MPZL1: variants seen among roughly 807,000 people sequenced by gnomAD.
MPZL1 encodes the protein myelin protein zero-like protein 1.
Under a neutral mutation model 29.3 loss-of-function variants are expected in MPZL1, and 16 were observed. The ratio of observed to expected loss-of-function variants is 0.55; its 90% confidence interval spans 0.37 to 0.83. The LOEUF is 0.83. Ranked by LOEUF, MPZL1 falls within the 40% of genes least tolerant of loss-of-function variation. The pLI, the probability that MPZL1 is intolerant of heterozygous loss-of-function variation, is 0.00. For missense variants in MPZL1, 279 were observed against 332.9 expected (o/e 0.84, Z 1.26); for synonymous variants, 143 against 132.0 (o/e 1.08, Z -0.57).
chr1:167,738,937 A>G (rs915519057), intron 1 of MPZL1, among the ~76,000 whole-genome samples: 1 of 151,870 alleles, frequency 6.6e-6, no homozygotes, highest in Non-Finnish European at 1.5e-5. Flanking sequence ...ACCAATACAT[A>G]TATTTTGGTT....
At chr1:167,757,136 G>T (rs943098822) in intron 1 of MPZL1, among the ~76,000 whole-genome samples, 1 of 152,150 alleles carries the variant, frequency 6.6e-6, no homozygotes, top group Admixed American at 6.5e-5. Context: ...CCTGATTCGC[G>T]GGAGGAAAGA....
At chr1:167,785,221 G>T (rs1661568518) in intron 5 of MPZL1, among the ~76,000 whole-genome samples, 1 of 152,234 alleles carries the variant, frequency 6.6e-6, no homozygotes, top group Admixed American at 6.5e-5. Context: ...TTGGCTAGAA[G>T]GTTGACTGGT....
chr1:167,779,142 A>G (rs1319009340), intron 5 of MPZL1, among the ~76,000 whole-genome samples: 1 of 151,742 alleles, frequency 6.6e-6, no homozygotes, highest in Non-Finnish European at 1.5e-5. Flanking sequence ...AAAAGAAAAA[A>G]AAGAAAGTGA....
At chr1:167,778,636 A>G (rs1204857869) in intron 5 of MPZL1, among the ~76,000 whole-genome samples, 2 of 152,064 alleles carry the variant, frequency 1.3e-5, no homozygotes, top group African/African-American at 4.8e-5. Flanking sequence ...TCAGAAACAA[A>G]TTCAGAATGG....
At chr1:167,743,496 G>A (rs1230666795) in intron 1 of MPZL1, among the ~76,000 whole-genome samples, 2 of 151,972 alleles carry the variant, frequency 1.3e-5, no homozygotes, top group African/African-American at 4.8e-5. Context: ...GTGAGCCACC[G>A]CGCCTGGCCT....
intron 5 of MPZL1, among the ~76,000 whole-genome samples, chr1:167,782,216 C>T (rs1251270213): frequency 6.6e-6 from 1 of 151,966 alleles, no homozygotes; most frequent in Non-Finnish European, 1.5e-5. Flanking sequence ...TTATTTGGTT[C>T]TTTTTTAAAT....
At chr1:167,765,351 T>A (rs1181444839) in intron 1 of MPZL1, 1 of 260,358 alleles carries the variant, frequency 3.8e-6, no homozygotes, top group East Asian at 6.8e-5. Flanking sequence ...ACCAGACTAA[T>A]AAAAATATCT....
intron 5 of MPZL1, among the ~76,000 whole-genome samples, chr1:167,782,720 G>GA (rs759402807): frequency 2.0e-5 from 3 of 152,130 alleles, no homozygotes; most frequent in Non-Finnish European, 4.4e-5. Flanking sequence ...GATTGTCTTG[G>GA]GTTATCTGGG....
At chr1:167,735,632 AGGC>A (rs1273481823) in intron 1 of MPZL1, among the ~76,000 whole-genome samples, 2 of 152,274 alleles carry the variant, frequency 1.3e-5, no homozygotes, top group African/African-American at 4.8e-5. Context: ...TCTGCAGGGT[AGGC>A]TGGCAGGCTG....
intron 1 of MPZL1, among the ~76,000 whole-genome samples, chr1:167,759,475 C>T (rs1660936017): frequency 6.6e-6 from 1 of 152,194 alleles, no homozygotes; most frequent in South Asian, 2.1e-4. Flanking sequence ...GCATAGAATA[C>T]AGCCTGAGAG....
intron 1 of MPZL1, among the ~76,000 whole-genome samples, chr1:167,761,023 G>C (rs1571156651): frequency 6.6e-6 from 1 of 152,094 alleles, no homozygotes; most frequent in Non-Finnish European, 1.5e-5. Flanking sequence ...AAAGGTTTTA[G>C]ATAGGGCAAT....
chr1:167,753,698 C>T (rs188254924), intron 1 of MPZL1, among the ~76,000 whole-genome samples: 292 of 151,884 alleles, frequency 1.9e-3, no homozygotes, highest in African/African-American at 4.7e-3. Flanking sequence ...GGTGCGATCT[C>T]GGCTCACTGC....
At chr1:167,760,496 C>T (rs890383287) in intron 1 of MPZL1, among the ~76,000 whole-genome samples, 1 of 152,092 alleles carries the variant, frequency 6.6e-6, no homozygotes, top group Non-Finnish European at 1.5e-5. Flanking sequence ...AGCCACCGCA[C>T]CCGGCCCCTC....
At chr1:167,733,901 TAA>T (rs955563371) in intron 1 of MPZL1, among the ~76,000 whole-genome samples, 3 of 142,740 alleles carry the variant, frequency 2.1e-5, no homozygotes, top group Non-Finnish European at 3.1e-5. Flanking sequence ...AGACCCTGTT[TAA>T]AAAAAAAAAA....
chr1:167,776,017 A>AT (rs1661358034), intron 4 of MPZL1, 47 bp from the exon 5 acceptor site: 2 of 1,246,248 alleles, frequency 1.6e-6, no homozygotes, highest in Non-Finnish European at 2.2e-6. Context: ...CTATTTATTT[A>AT]TTATTATTAT....
intron 1 of MPZL1, among the ~76,000 whole-genome samples, chr1:167,761,346 T>C (rs1316753260): frequency 6.6e-6 from 1 of 151,780 alleles, no homozygotes; most frequent in East Asian, 1.9e-4. Context: ...AGAGGGAGAA[T>C]TGCTGGATCA....
chr1:167,779,338 A>C (rs139671003), intron 5 of MPZL1, among the ~76,000 whole-genome samples: 1 of 152,114 alleles, frequency 6.6e-6, no homozygotes, highest in Non-Finnish European at 1.5e-5. Flanking sequence ...TAATCCTAGC[A>C]CTTTGGGAGG....
chr1:167,751,407 C>T (rs576271674), intron 1 of MPZL1, among the ~76,000 whole-genome samples: 15 of 152,276 alleles, frequency 9.9e-5, no homozygotes, highest in African/African-American at 3.1e-4. Context: ...CGGTGGCTCA[C>T]GTCTGTAATC....
At chr1:167,745,819 T>C (rs1660634720) in intron 1 of MPZL1, among the ~76,000 whole-genome samples, 1 of 152,084 alleles carries the variant, frequency 6.6e-6, no homozygotes. Flanking sequence ...TGAGATGTGT[T>C]ATAGGTTAAC....
Sources: allele counts gnomAD v4.1 joint callset (sites outside exome capture counted in the v4.1 genomes callset), GRCh38; gene constraint gnomAD v4.1.1; transcripts MANE v1.5; gene names NCBI Gene and HGNC (gene_info 2026-07-23, HGNC 2026-07-21).